STRN: variants seen among roughly 807,000 people sequenced by gnomAD.
The protein encoded by STRN is striatin.
STRN carries 53 observed loss-of-function variants against 96.3 expected under a neutral mutation model. That is an observed-to-expected ratio of 0.55 (90% CI 0.44 to 0.69). STRN has a LOEUF of 0.69. Ranked by LOEUF, STRN falls within the 30% of genes least tolerant of loss-of-function variation. STRN has a pLI of 0.00. For synonymous variants in STRN, 428 were observed against 355.9 expected (o/e 1.20, Z -2.28); for missense variants, 987 against 963.9 (o/e 1.02, Z -0.32).
intron 2 of STRN, among the ~76,000 whole-genome samples, chr2:36,924,893 C>T (rs113239754): frequency 2.0e-5 from 3 of 152,106 alleles, no homozygotes; most frequent in South Asian, 4.1e-4. Flanking sequence ...CATGACTCTA[C>T]TAAAAATACA....
chr2:36,880,517 A>G (rs1211696157), intron 9 of STRN, among the ~76,000 whole-genome samples: 1 of 152,230 alleles, frequency 6.6e-6, no homozygotes, highest in Admixed American at 6.5e-5. Context: ...AGAACAAAAT[A>G]GAGCATAAAT....
chr2:36,966,062 C>G (rs1396731752), intron 1 of STRN, among the ~76,000 whole-genome samples, 168 bp downstream of exon 1: 3 of 144,944 alleles, frequency 2.1e-5, no homozygotes, highest in Non-Finnish European at 4.4e-5. Context: ...GTGGGGTCAG[C>G]GAAAGGCAAA....
intron 10 of STRN, among the ~76,000 whole-genome samples, chr2:36,876,976 C>A (rs1196405580): frequency 1.3e-5 from 2 of 152,108 alleles, no homozygotes; most frequent in Non-Finnish European, 2.9e-5. Context: ...TCCCGATCTC[C>A]TGACCTCGTG....
chr2:36,913,858 G>GTTAC (rs1471519165), intron 3 of STRN, among the ~76,000 whole-genome samples: 1 of 152,172 alleles, frequency 6.6e-6, no homozygotes, highest in African/African-American at 2.4e-5. Flanking sequence ...ATCAGGAATG[G>GTTAC]AGTAACCATA....
chr2:36,914,562 T>C (rs932721061), intron 3 of STRN, among the ~76,000 whole-genome samples: 3 of 152,198 alleles, frequency 2.0e-5, no homozygotes, highest in Admixed American at 2.0e-4. Context: ...ACTGATCAAC[T>C]GGCATTGCTC....
intron 12 of STRN, among the ~76,000 whole-genome samples, chr2:36,864,460 T>C (rs1668570802): frequency 1.3e-5 from 2 of 152,228 alleles, no homozygotes; most frequent in Non-Finnish European, 2.9e-5. Context: ...ACCACATTTA[T>C]TGATTTGTGT....
rs913147559 is a variant in STRN, at chr2:36,838,244, G to C, written c.*11212C>G. Among the ~76,000 whole-genome samples the C allele has an allele frequency of 2.6e-5, 4 of 152,222 alleles. No individual in the cohort carries two copies. Among genetic ancestry groups the C allele is most frequent in the African/African-American group, 9.6e-5 (4 of 41,456 alleles). On this transcript the variant is annotated 3_prime_UTR_variant, in exon 18 of 18. Coordinates refer to ENST00000263918, the MANE Select transcript of STRN (RefSeq NM_003162.4). ...AGGATCAGATTTGACAGTCAGCTAGGAGACAGGGACCTCCATCCTCTGACT... is the reference window on the plus strand; with the variant it reads ...AGGATCAGATTTGACAGTCAGCTAGCAGACAGGGACCTCCATCCTCTGACT...
At chr2:36,899,396 T>C (rs1669624855) in intron 6 of STRN, 127 bp downstream of exon 6, 7 of 862,776 alleles carry the variant, frequency 8.1e-6, no homozygotes, top group Non-Finnish European at 1.1e-5. Context: ...CTCTCATAAA[T>C]GTCTCCAAAT....
chr2:36,910,446 T>C (rs961950504), intron 3 of STRN, among the ~76,000 whole-genome samples: 3 of 151,994 alleles, frequency 2.0e-5, no homozygotes, highest in African/African-American at 4.8e-5. Flanking sequence ...ATGACAACAA[T>C]AGCACAAAGA....
chr2:36,966,508 G>C lies in STRN; in HGVS notation c.-45C>G. ...GGAGCTGCCCCGGCGCCCAGCAGCG[G>C]AGGCAACAGCGGCGGCAAGCAGCGC... On this transcript the variant is annotated 5_prime_UTR_variant, in exon 1 of 18. Coordinates refer to ENST00000263918, the MANE Select transcript of STRN (RefSeq NM_003162.4). The C allele has an allele frequency of 7.6e-7, 1 of 1,321,912 alleles. No individual in the cohort carries two copies. Among genetic ancestry groups the C allele is most frequent in the Non-Finnish European group, 9.8e-7 (1 of 1,017,544 alleles). The allele number at this position is 1,321,912 out of a possible 1,614,324, so 81.9% of individuals were successfully genotyped here.
chr2:36,924,120 G>A (rs1670335670), intron 2 of STRN, among the ~76,000 whole-genome samples: 2 of 152,130 alleles, frequency 1.3e-5, no homozygotes, highest in South Asian at 2.1e-4. Context: ...ACTTTGGGAG[G>A]CCGAGACGGG....
At chr2:36,902,290 T>C (rs1196527393) in intron 5 of STRN, among the ~76,000 whole-genome samples, 1 of 152,196 alleles carries the variant, frequency 6.6e-6, no homozygotes, top group Admixed American at 6.5e-5. Context: ...TACAGATTTG[T>C]ACTGAATTTC....
rs9789649 is a variant in STRN at position 36,837,995 on chromosome 2, T to G, written c.*11461A>C. 0.86 allele frequency among the ~76,000 whole-genome samples: 131,454 copies of G among 152,228 alleles called. 59,008 individuals are homozygous for G. Among genetic ancestry groups the G allele is most frequent in the Non-Finnish European group, 0.98 (66,870 of 68,030 alleles). The stretch of plus-strand genomic sequence containing the variant: ...TCTGCCCCTCATGTTACTTCCATGG[T>G]TGATGTTACATTGCAGGGCAGAGGG... On this transcript the variant is annotated 3_prime_UTR_variant, in exon 18 of 18. Coordinates refer to ENST00000263918, the MANE Select transcript of STRN (RefSeq NM_003162.4).
At chr2:36,859,381 T>C (rs1668422836) in intron 13 of STRN, among the ~76,000 whole-genome samples, 1 of 152,152 alleles carries the variant, frequency 6.6e-6, no homozygotes, top group South Asian at 2.1e-4. Context: ...TAGGGAGTCA[T>C]TACCAAAAAA....
intron 10 of STRN, among the ~76,000 whole-genome samples, chr2:36,876,427 T>C (rs1173819824): frequency 1.3e-5 from 2 of 152,210 alleles, no homozygotes; most frequent in African/African-American, 4.8e-5. Context: ...GGATTTCAAC[T>C]GTCTTTGGAG....
At chr2:36,961,568 T>G (rs1665031325) in intron 1 of STRN, among the ~76,000 whole-genome samples, 1 of 152,160 alleles carries the variant, frequency 6.6e-6, no homozygotes, top group South Asian at 2.1e-4. Context: ...CATATTCACA[T>G]ATCTTATCAC....
intron 7 of STRN, among the ~76,000 whole-genome samples, chr2:36,891,154 G>A (rs1364641637): frequency 1.3e-5 from 2 of 152,128 alleles, no homozygotes; most frequent in African/African-American, 4.8e-5. Flanking sequence ...TTCAGATTTC[G>A]AATTTCACAT....
At chr2:36,875,679 G>GTTTGTT in intron 10 of STRN, among the ~76,000 whole-genome samples, 1 of 140,122 alleles carries the variant, frequency 7.1e-6, no homozygotes, top group Non-Finnish European at 1.5e-5. Flanking sequence ...TTTTTTGAGA[G>GTTTGTT]GGAGTCTCGC....
chr2:36,885,542 A>G (rs1414695575), intron 8 of STRN, among the ~76,000 whole-genome samples: 2 of 152,150 alleles, frequency 1.3e-5, no homozygotes, highest in Non-Finnish European at 2.9e-5. Flanking sequence ...TTCTGATTTA[A>G]TCTATCTTGA....
Sources: allele counts gnomAD v4.1 joint callset (sites outside exome capture counted in the v4.1 genomes callset), GRCh38; gene constraint gnomAD v4.1.1; transcripts MANE v1.5; gene names NCBI Gene and HGNC (gene_info 2026-07-23, HGNC 2026-07-21).